Variants in TBC1D19 observed in about 807,000 individuals in gnomAD.
The protein encoded by TBC1D19 is TBC1 domain family, member 19.
Under a neutral mutation model 89.0 loss-of-function variants are expected in TBC1D19, and 60 were observed. The observed-to-expected ratio is 0.67, with a 90% CI of 0.55 to 0.84. The LOEUF (loss-of-function observed/expected upper bound fraction) is 0.84, where lower values mean the gene tolerates loss of function less well. Ranked by LOEUF, TBC1D19 falls within the 40% of genes least tolerant of loss-of-function variation. The probability of loss-of-function intolerance (pLI) is 0.00; values close to 1 mark genes in which losing one functional copy is unlikely to be tolerated. For synonymous variants in TBC1D19, 189 were observed against 199.7 expected (o/e 0.95, Z 0.45); for missense variants, 500 against 610.8 (o/e 0.82, Z 1.91).
chr4:26,616,641 A>G (rs948187797), intron 3 of TBC1D19, among the ~76,000 whole-genome samples: 9 of 152,232 alleles, frequency 5.9e-5, no homozygotes, highest in Non-Finnish European at 1.0e-4. Context: ...TGAGCTATAC[A>G]GACTATACAG....
chr4:26,693,754 T>A (rs1405662609), intron 13 of TBC1D19, among the ~76,000 whole-genome samples: 1 of 151,814 alleles, frequency 6.6e-6, no homozygotes, highest in Non-Finnish European at 1.5e-5. Flanking sequence ...CAGAAGGTTT[T>A]AAAGAGATAG....
intron 7 of TBC1D19, among the ~76,000 whole-genome samples, chr4:26,643,244 A>G (rs1374647013): frequency 9.2e-5 from 14 of 152,228 alleles, no homozygotes; most frequent in Non-Finnish European, 1.9e-4. Flanking sequence ...ACCACAGTGC[A>G]ATCAAATTAG....
the TBC1D19 span, among the ~76,000 whole-genome samples, chr4:26,780,717 C>T: frequency 2.6e-5 from 4 of 152,222 alleles, no homozygotes; most frequent in Non-Finnish European, 4.4e-5. Context: ...AGCCTTGTAA[C>T]ACCTCCCTTG....
chr4:26,780,489 C>T, the TBC1D19 span, among the ~76,000 whole-genome samples: 1 of 152,230 alleles, frequency 6.6e-6, no homozygotes, highest in Non-Finnish European at 1.5e-5. Flanking sequence ...TCCCTACTAA[C>T]AGCATCAGAT....
chr4:26,633,059 C>G (rs1208568961), intron 4 of TBC1D19, among the ~76,000 whole-genome samples: 1 of 152,114 alleles, frequency 6.6e-6, no homozygotes, highest in East Asian at 1.9e-4. Flanking sequence ...TTGATTGACT[C>G]TCTTGTAAAT....
chr4:26,827,744 G>T, the TBC1D19 span, among the ~76,000 whole-genome samples: 41 of 147,276 alleles, frequency 2.8e-4, no homozygotes, highest in Admixed American at 1.6e-3. Context: ...AGGGTCTTGC[G>T]ATGACACTCA....
chr4:26,781,814 A>G, the TBC1D19 span, among the ~76,000 whole-genome samples: 1 of 147,626 alleles, frequency 6.8e-6, no homozygotes, highest in Non-Finnish European at 1.5e-5. Context: ...TTTTTTTTGT[A>G]TTTGTAATTC....
At chr4:26,685,232 A>T (rs1465831921) in intron 12 of TBC1D19, among the ~76,000 whole-genome samples, 2 of 152,260 alleles carry the variant, frequency 1.3e-5, no homozygotes, top group African/African-American at 4.8e-5. Context: ...AGAGAACAGC[A>T]GTGAAGAAAT....
the TBC1D19 span, among the ~76,000 whole-genome samples, chr4:26,852,195 T>C: frequency 6.6e-6 from 1 of 152,248 alleles, no homozygotes; most frequent in African/African-American, 2.4e-5. Flanking sequence ...TCCAGTTGCT[T>C]AAGGTAAACA....
intron 18 of TBC1D19, 151 bp from the exon 19 acceptor site, chr4:26,748,260 A>C: frequency 1.7e-6 from 1 of 603,642 alleles, no homozygotes; most frequent in Non-Finnish European, 2.9e-6. Flanking sequence ...TCACCACTGC[A>C]CTCTTGCAGC....
At chr4:26,820,494 G>C in the TBC1D19 span, among the ~76,000 whole-genome samples, 1 of 152,152 alleles carries the variant, frequency 6.6e-6, no homozygotes, top group East Asian at 1.9e-4. Context: ...ACATCCTCCA[G>C]TTCCATCATG....
chr4:26,730,958 C>T (rs1717625067), intron 15 of TBC1D19, among the ~76,000 whole-genome samples: 1 of 152,196 alleles, frequency 6.6e-6, no homozygotes, highest in Non-Finnish European at 1.5e-5. Context: ...GAAGGAGAAA[C>T]ATTGGCTCTG....
the TBC1D19 span, among the ~76,000 whole-genome samples, chr4:26,808,585 C>T: frequency 6.6e-6 from 1 of 151,906 alleles, no homozygotes; most frequent in African/African-American, 2.4e-5. Context: ...AAAAATTAGC[C>T]AGGCGTGATG....
intron 7 of TBC1D19, among the ~76,000 whole-genome samples, chr4:26,659,008 T>C (rs963842019): frequency 6.6e-6 from 1 of 152,194 alleles, no homozygotes; most frequent in Non-Finnish European, 1.5e-5. Context: ...GTTTTCTAAA[T>C]ATACAATCAT....
At chr4:26,734,905 T>TAC (rs1560503604) in intron 15 of TBC1D19, among the ~76,000 whole-genome samples, 1 of 151,690 alleles carries the variant, frequency 6.6e-6, no homozygotes, top group African/African-American at 2.4e-5. Context: ...TGTGTATATA[T>TAC]ACACACATGT....
At chr4:26,766,655 A>G in the TBC1D19 span, among the ~76,000 whole-genome samples, 7 of 152,210 alleles carry the variant, frequency 4.6e-5, no homozygotes, top group African/African-American at 1.7e-4. Flanking sequence ...ACTGTTGCAA[A>G]CAAATATTTT....
chr4:26,734,198 T>C (rs1340850773), intron 15 of TBC1D19, among the ~76,000 whole-genome samples: 1 of 152,202 alleles, frequency 6.6e-6, no homozygotes, highest in East Asian at 1.9e-4. Context: ...ATTAAACCCA[T>C]TCAAAATTGT....
At chr4:26,792,232 TC>T in the TBC1D19 span, among the ~76,000 whole-genome samples, 1 of 152,134 alleles carries the variant, frequency 6.6e-6, no homozygotes, top group Non-Finnish European at 1.5e-5. Context: ...TGTATAATAT[TC>T]CAGTATATGA....
chr4:26,714,822 CT>C (rs1716478669), intron 13 of TBC1D19, among the ~76,000 whole-genome samples: 1 of 152,066 alleles, frequency 6.6e-6, no homozygotes. Context: ...TACACACTGA[CT>C]TACTTTCCTT....
Sources: gnomAD v4.1 joint callset for allele counts (sites outside exome capture counted in the v4.1 genomes callset) on GRCh38, gnomAD v4.1.1 for gene constraint, MANE v1.5 for transcripts, NCBI Gene and HGNC (gene_info 2026-07-23, HGNC 2026-07-21) for gene names.